Variants in UNC80 observed in about 807,000 individuals in gnomAD.
The protein encoded by UNC80 is unc-80 subunit of NALCN channel complex, also known as protein unc-80 homolog.
A neutral mutation model predicts 384.6 loss-of-function variants in UNC80; 164 were observed. The observed-to-expected ratio is 0.43, with a 90% CI of 0.38 to 0.49. UNC80 has a LOEUF of 0.49. Ranked by LOEUF, UNC80 falls within the 20% of genes least tolerant of loss-of-function variation. The probability of loss-of-function intolerance (pLI) is 0.00; values close to 1 mark genes in which losing one functional copy is unlikely to be tolerated. For missense variants in UNC80, 3,330 were observed against 4,143.0 expected, an observed-to-expected ratio of 0.80 and a Z score of 5.39; for synonymous variants, 1,486 against 1,527.8, an observed-to-expected ratio of 0.97 and a Z score of 0.64.
At chr2:209,782,398 T>G (rs1455060056) in intron 4 of UNC80, among the ~76,000 whole-genome samples, 1 of 152,162 alleles carries the variant, frequency 6.6e-6, no homozygotes, top group Non-Finnish European at 1.5e-5. Context: ...ACCTCACTTC[T>G]CTTTCTAGTA....
intron 21 of UNC80, among the ~76,000 whole-genome samples, chr2:209,848,534 T>A (rs2082312509): frequency 6.6e-6 from 1 of 152,108 alleles, no homozygotes; most frequent in African/African-American, 2.4e-5. Context: ...CAAAAATAAT[T>A]TAGAAATGGC....
In UNC80 at chr2:209,931,355, CTA is replaced by C. The variant is rs2090850534; in HGVS notation, c.5994+303_5994+304del. On this transcript the variant is annotated intron_variant, in intron 38 of 64. Transcript: ENST00000673920. ...AGTATTTTTTCCTCTTTTCCTATCT[CTA>C]TGTTTAAACACACACACACACACAC... 2.9e-5 allele frequency among the ~76,000 whole-genome samples: 4 copies of C among 137,870 alleles called. No homozygotes were observed. In the South Asian group the frequency reaches 6.8e-4, roughly 23 times the overall value. The allele number at this position is 137,870 out of a possible 152,430, so 90.4% of individuals were successfully genotyped here. A position where few individuals can be genotyped will look rare whatever the true frequency, so the allele number is the denominator to read the frequency against.
intron 22 of UNC80, among the ~76,000 whole-genome samples, chr2:209,861,569 C>G (rs921815206): frequency 6.6e-6 from 1 of 152,136 alleles, no homozygotes; most frequent in Admixed American, 6.5e-5. Context: ...AGGGAGAAGT[C>G]CCTCCTTCTC....
Position 209,973,205 on chromosome 2 carries a change from G to C in UNC80, c.8522G>C (p.Gly2841Ala), listed in dbSNP as rs1273004079. The stretch of plus-strand genomic sequence containing the variant: ...TCCCCAGCCCACTGCTCCACCCCTG[G>C]GGATGCGGGGAAAGACTTGCGCAGG... Reference protein sequence around the residue: ...ESSPAHCSTPGDAGKDLRREG... With the variant: ...ESSPAHCSTPADAGKDLRREG... The change falls in exon 56 of 65, where the codon GGG becomes GCG. Residue 2841 changes from glycine (G) to alanine (A), a missense_variant. Transcript: ENST00000673920. 4 of 1,551,672 alleles carry C rather than the reference G, an allele frequency of 2.6e-6. No homozygotes were observed. The Admixed American group carries it at 7.8e-5, about 30-fold the overall frequency.
At chr2:209,990,070 C>T (rs1025417815) in intron 61 of UNC80, among the ~76,000 whole-genome samples, 1 of 152,090 alleles carries the variant, frequency 6.6e-6, no homozygotes, top group East Asian at 1.9e-4. Flanking sequence ...AAACTTGATA[C>T]GTCTCTTAGA....
chr2:209,954,600 G>A (rs1488185394), intron 48 of UNC80, among the ~76,000 whole-genome samples: 5 of 152,162 alleles, frequency 3.3e-5, no homozygotes, highest in Non-Finnish European at 7.4e-5. Flanking sequence ...GGCCAATTTA[G>A]TGAATTTAAA....
At chr2:209,798,223 G>A (rs907698049) in intron 7 of UNC80, among the ~76,000 whole-genome samples, 10 of 152,180 alleles carry the variant, frequency 6.6e-5, no homozygotes, top group Non-Finnish European at 1.5e-4. Context: ...TTTTAGTCAT[G>A]AAGTCTTTGC....
intron 28 of UNC80, among the ~76,000 whole-genome samples, chr2:209,897,546 A>G (rs2086924902): frequency 6.6e-6 from 1 of 152,196 alleles, no homozygotes; most frequent in Non-Finnish European, 1.5e-5. Flanking sequence ...ACATCCATTT[A>G]GAATCACCCT....
intron 51 of UNC80, among the ~76,000 whole-genome samples, chr2:209,964,785 C>CAAAAAA (rs1299831479): frequency 1.7e-5 from 1 of 57,584 alleles, no homozygotes; most frequent in African/African-American, 5.7e-5. Context: ...GACTCTGTCT[C>CAAAAAA]AAAAAAAAAA....
intron 46 of UNC80, 112 bp from the exon 47 acceptor site, chr2:209,945,735 A>T: frequency 1.6e-6 from 1 of 639,950 alleles, no homozygotes; most frequent in South Asian, 2.4e-5. Context: ...ATAAAATTTA[A>T]CAAGAAAAGG....
intron 7 of UNC80, chr2:209,809,615 A>C (rs973397534): frequency 1.5e-6 from 1 of 658,712 alleles, no homozygotes; most frequent in Non-Finnish European, 2.6e-6. Context: ...CCTACCAGAC[A>C]CCCTGCCCCC....
chr2:209,959,291 TACTACA>T (rs2092515310), intron 50 of UNC80, 137 bp downstream of exon 50: 2 of 1,227,964 alleles, frequency 1.6e-6, no homozygotes, highest in Non-Finnish European at 2.3e-6. Context: ...AAAGTGGGTT[TACTACA>T]GTTTGGGATG....
At chr2:209,826,294 A>G (rs1193902838) in intron 14 of UNC80, among the ~76,000 whole-genome samples, 2 of 152,216 alleles carry the variant, frequency 1.3e-5, no homozygotes, top group African/African-American at 2.4e-5. Context: ...CCAACTCCCA[A>G]TTAGTGAAAA....
At chr2:209,850,354 A>G (rs1381765800) in intron 22 of UNC80, among the ~76,000 whole-genome samples, 1 of 152,142 alleles carries the variant, frequency 6.6e-6, no homozygotes, top group Non-Finnish European at 1.5e-5. Flanking sequence ...CATCAGGAAA[A>G]AAAGTATTTT....
intron 26 of UNC80, among the ~76,000 whole-genome samples, chr2:209,891,870 T>A (rs922910229): frequency 6.6e-6 from 1 of 152,116 alleles, no homozygotes; most frequent in African/African-American, 2.4e-5. Context: ...CTAATTACAG[T>A]TTTTAAAATT....
In UNC80 at chr2:209,849,471, C is replaced by A; in HGVS notation, c.3475C>A (p.His1159Asn). The change falls in exon 22 of 65, where the codon CAT becomes AAT. Residue 1159 changes from histidine to asparagine, a missense_variant. Transcript: ENST00000673920. ...KRLGCHSFDD[H>N]LSPNQDGGKS... The stretch of plus-strand genomic sequence containing the variant: ...TACAGGTTGCCACAGTTTTGATGAT[C>A]ATCTCTCTCCCAACCAAGATGGTGG... 1 of 1,550,908 alleles carries A rather than the reference C, an allele frequency of 6.4e-7. No individual in the cohort carries two copies. Among genetic ancestry groups the A allele is most frequent in the Non-Finnish European group, 8.7e-7 (1 of 1,146,422 alleles).
rs2087960092 is a variant in UNC80, at chr2:209,904,671, G to GACATT, written c.4582-93_4582-89dup. Reference sequence around the variant, plus strand: ...ATTTCAAGACACATCCAGGGAAGCTGACATTCTGACTTCCCATCTTCCACC... The same window carrying GACATT: ...ATTTCAAGACACATCCAGGGAAGCTGACATTACATTCTGACTTCCCATCTTCCACC... On this transcript the variant is annotated intron_variant, in intron 28 of 64. Coordinates refer to ENST00000673920, the MANE Select transcript of UNC80 (RefSeq NM_001371986.1). The GACATT allele has an allele frequency of 3.7e-6, 4 of 1,087,046 alleles. No individual in the cohort carries two copies. In the Admixed American group the frequency reaches 8.1e-5, roughly 22 times the overall value. The allele number at this position is 1,087,046 out of a possible 1,614,324, so 67.3% of individuals were successfully genotyped here.
At position 209,936,929 on chromosome 2, in the gene UNC80, A is replaced by G. The variant is rs369189005; in HGVS notation, c.6359A>G (p.Asn2120Ser). 5 of 1,543,914 alleles carry G rather than the reference A, an allele frequency of 3.2e-6. No individual in the cohort carries two copies. Among genetic ancestry groups the G allele is most frequent in the Non-Finnish European group, 4.4e-6 (5 of 1,140,130 alleles). The change falls in exon 41 of 65, where the codon AAT becomes AGT. Residue 2120 changes from asparagine (N) to serine (S), a missense_variant. By Grantham distance (46) the Asn-to-Ser change is conservative (BLOSUM62 1). Transcript: ENST00000673920. ...AAACGATGGAACCTTATCCACTACA[A>G]TAAGGTGAGACACCAGTAGTGACAT... ...MDKRWNLIHY[N>S]KTYVRDIYPF...
At chr2:209,970,016 C>A in intron 53 of UNC80, 125 bp downstream of exon 53, 1 of 1,217,322 alleles carries the variant, frequency 8.2e-7, no homozygotes, top group Non-Finnish European at 1.1e-6. Context: ...ACAGACGGCT[C>A]AGGTGACACT....
Sources: gnomAD v4.1 joint callset for allele counts (sites outside exome capture counted in the v4.1 genomes callset) on GRCh38, gnomAD v4.1.1 for gene constraint, MANE v1.5 for transcripts, NCBI Gene and HGNC (gene_info 2026-07-23, HGNC 2026-07-21) for gene names.